Variants in ARMC2 observed in about 807,000 individuals in gnomAD.
ARMC2 encodes the protein armadillo repeat containing 2, also known as armadillo repeat-containing protein 2.
In ARMC2, 67 loss-of-function variants were observed where a neutral mutation model predicts 90.3. That is an observed-to-expected ratio of 0.74 (90% CI 0.61 to 0.91). The LOEUF is 0.91. Among genes scored for constraint, ARMC2 ranks in the 40% least tolerant of loss-of-function variants. ARMC2 has a pLI of 0.00. For synonymous variants in ARMC2, 393 were observed against 393.0 expected (o/e 1.00, Z 0.00); for missense variants, 920 against 1,030.9 (o/e 0.89, Z 1.47).
intron 5 of ARMC2, among the ~76,000 whole-genome samples, chr6:108,890,012 C>T (rs1456220219): frequency 1.3e-5 from 2 of 148,680 alleles, no homozygotes; most frequent in Non-Finnish European, 1.5e-5. Flanking sequence ...AACGGTGAAA[C>T]CCCGTCTCTA....
chr6:108,910,317 A>T (rs983137701), intron 8 of ARMC2, among the ~76,000 whole-genome samples: 2 of 152,166 alleles, frequency 1.3e-5, no homozygotes, highest in Non-Finnish European at 2.9e-5. Flanking sequence ...TTAGCCAGGC[A>T]CAGTGGCACA....
the ARMC2 span, among the ~76,000 whole-genome samples, chr6:108,990,079 C>T: frequency 6.6e-6 from 1 of 152,206 alleles, no homozygotes; most frequent in Non-Finnish European, 1.5e-5. Flanking sequence ...AAATAGTTAA[C>T]TAGTAAGCAC....
At chr6:108,942,507 A>T (rs974456303) in intron 12 of ARMC2, among the ~76,000 whole-genome samples, 1 of 152,202 alleles carries the variant, frequency 6.6e-6, no homozygotes, top group African/African-American at 2.4e-5. Context: ...CTTTGCCGCA[A>T]CTGGGATTTA....
chr6:108,870,057 A>G (rs1236144803), intron 4 of ARMC2, among the ~76,000 whole-genome samples: 1 of 152,080 alleles, frequency 6.6e-6, no homozygotes, highest in Non-Finnish European at 1.5e-5. Context: ...GTGTGTGGTC[A>G]AAAAAAGTGG....
intron 4 of ARMC2, among the ~76,000 whole-genome samples, chr6:108,871,734 G>A (rs999072610): frequency 1.3e-5 from 2 of 152,152 alleles, no homozygotes; most frequent in African/African-American, 4.8e-5. Context: ...CTCCTTCCCC[G>A]CTGGGGTACC....
At chr6:108,863,868 C>T (rs572130790) in intron 3 of ARMC2, among the ~76,000 whole-genome samples, 15 of 152,316 alleles carry the variant, frequency 9.8e-5, no homozygotes, top group South Asian at 2.1e-4. Context: ...GCTCAGAATC[C>T]GCCACCATGG....
chr6:109,002,352 GAAAATTAC>G, the ARMC2 span: 1 of 1,611,478 alleles, frequency 6.2e-7, no homozygotes, highest in Non-Finnish European at 8.5e-7. Flanking sequence ...TCCTAGAAAA[GAAAATTAC>G]ACCATCTCAG....
chr6:109,049,653 ATG>A, the ARMC2 span, among the ~76,000 whole-genome samples: 29 of 151,668 alleles, frequency 1.9e-4, no homozygotes, highest in South Asian at 5.8e-3. Flanking sequence ...TACAATTATT[ATG>A]TGTCAGTTAA....
At chr6:108,979,109 A>C (rs1424972721), downstream of ARMC2, among the ~76,000 whole-genome samples, 1 of 152,134 alleles carries the variant, frequency 6.6e-6, no homozygotes. Context: ...ACAATTTGGT[A>C]TGTTTTTGCT....
At chr6:108,913,259 C>T (rs936505003) in intron 10 of ARMC2, among the ~76,000 whole-genome samples, 4 of 152,134 alleles carry the variant, frequency 2.6e-5, no homozygotes, top group East Asian at 3.9e-4. Context: ...TCATAGGATT[C>T]GAAATGTGTT....
intron 10 of ARMC2, among the ~76,000 whole-genome samples, chr6:108,918,348 G>A (rs1324692793): frequency 6.6e-6 from 1 of 152,188 alleles, no homozygotes; most frequent in Non-Finnish European, 1.5e-5. Flanking sequence ...TTTGTTTGGA[G>A]CCGTGCGAAT....
chr6:109,010,662 A>G, the ARMC2 span, among the ~76,000 whole-genome samples: 1 of 151,174 alleles, frequency 6.6e-6, no homozygotes, highest in African/African-American at 2.5e-5. Flanking sequence ...AATAAATAAG[A>G]TAAATGATAT....
At chr6:108,883,562 G>A (rs1161069080) in intron 5 of ARMC2, among the ~76,000 whole-genome samples, 1 of 152,180 alleles carries the variant, frequency 6.6e-6, no homozygotes, top group African/African-American at 2.4e-5. Flanking sequence ...GAATAGATTT[G>A]TCAGTAGCTA....
chr6:108,901,647 C>T (rs1220134647), intron 7 of ARMC2, among the ~76,000 whole-genome samples: 2 of 151,832 alleles, frequency 1.3e-5, no homozygotes, highest in Admixed American at 6.6e-5. Flanking sequence ...AAACTTGTGG[C>T]CTCAAGTGAT....
the ARMC2 span, among the ~76,000 whole-genome samples, chr6:109,050,614 C>A: frequency 2.6e-5 from 4 of 152,158 alleles, no homozygotes; most frequent in Non-Finnish European, 5.9e-5. Context: ...AATAACCTAT[C>A]TATACAAATG....
chr6:108,923,491 T>G (rs150654166), intron 10 of ARMC2, among the ~76,000 whole-genome samples: 2 of 150,246 alleles, frequency 1.3e-5, no homozygotes, highest in Non-Finnish European at 3.0e-5. Context: ...GTTCTTGTTT[T>G]CTTTTTTTTA....
intron 13 of ARMC2, among the ~76,000 whole-genome samples, chr6:108,956,713 C>T (rs181569657): frequency 7.1e-4 from 107 of 150,554 alleles, no homozygotes; most frequent in African/African-American, 2.4e-3. Flanking sequence ...AGAAAAAGTC[C>T]GGGCGCAGTG....
the ARMC2 span, chr6:108,998,475 AT>A: frequency 6.2e-7 from 1 of 1,608,656 alleles, no homozygotes; most frequent in Non-Finnish European, 8.5e-7. Context: ...AATTATTGTG[AT>A]TAGTTTTATG....
intron 10 of ARMC2, among the ~76,000 whole-genome samples, chr6:108,925,694 G>C (rs1326615485): frequency 6.6e-6 from 1 of 152,138 alleles, no homozygotes; most frequent in African/African-American, 2.4e-5. Context: ...GGATATCTCT[G>C]CTTGAGCAAC....
Sources: gnomAD v4.1 joint callset for allele counts (sites outside exome capture counted in the v4.1 genomes callset) on GRCh38, gnomAD v4.1.1 for gene constraint, MANE v1.5 for transcripts, NCBI Gene and HGNC (gene_info 2026-07-23, HGNC 2026-07-21) for gene names.